EGF: variants seen among roughly 807,000 people sequenced by gnomAD.
EGF encodes the protein epidermal growth factor, also known as pro-epidermal growth factor.
A neutral mutation model predicts 143.8 loss-of-function variants in EGF; 95 were observed. The observed-to-expected ratio is 0.66, with a 90% CI of 0.56 to 0.78. EGF has a LOEUF of 0.78. Ranked by LOEUF, EGF falls within the 30% of genes least tolerant of loss-of-function variation. EGF has a pLI of 0.00. For missense variants in EGF, 1,320 were observed against 1,470.9 expected (o/e 0.90, Z 1.68); for synonymous variants, 510 against 510.5 (o/e 1.00, Z 0.01).
At chr4:110,009,982 C>A (rs925628484) in intron 23 of EGF, among the ~76,000 whole-genome samples, 1 of 152,162 alleles carries the variant, frequency 6.6e-6, no homozygotes, top group African/African-American at 2.4e-5. Flanking sequence ...CACCTGTAAT[C>A]CGAGCACTTT....
At chr4:109,942,814 G>A (rs528128499) in intron 2 of EGF, among the ~76,000 whole-genome samples, 3 of 152,296 alleles carry the variant, frequency 2.0e-5, no homozygotes, top group Admixed American at 6.5e-5. Context: ...GAAATTCATC[G>A]AGTTCATGTC....
chr4:109,996,842 CT>C (rs1325397738), intron 20 of EGF, among the ~76,000 whole-genome samples: 17 of 152,292 alleles, frequency 1.1e-4, no homozygotes, highest in Admixed American at 2.0e-4. Context: ...ACCTTCTGGG[CT>C]CAGAGGAGGT....
rs554859072 is a variant in EGF, at chr4:109,939,552, G to A, written c.128-1394G>A. Among the ~76,000 whole-genome samples the A allele has an allele frequency of 4.6e-5, 7 of 152,332 alleles. No individual in the cohort carries two copies. In the East Asian group the frequency reaches 1.2e-3, roughly 25 times the overall value. ...TGGCCCTCCGTGGGCTGCACCCACT[G>A]TCCAACCAGTCCCAGTGGGATGAAC... is the stretch of plus-strand genomic sequence containing the variant. On this transcript the variant is annotated intron_variant, in intron 1 of 23. Transcript: ENST00000265171.
chr4:109,975,234 T>G (rs1748306770), intron 12 of EGF, among the ~76,000 whole-genome samples: 1 of 152,218 alleles, frequency 6.6e-6, no homozygotes, highest in Non-Finnish European at 1.5e-5. Flanking sequence ...GACTGTGCTG[T>G]TAATTGTGAG....
chr4:109,913,571 T>G, intron 1 of EGF, 109 bp downstream of exon 1: 3 of 1,500,660 alleles, frequency 2.0e-6, no homozygotes. Flanking sequence ...TCTTTGGGTA[T>G]GTATAGTTGC....
At chr4:109,981,383 C>T (rs184482082) in intron 15 of EGF, among the ~76,000 whole-genome samples, 1 of 152,112 alleles carries the variant, frequency 6.6e-6, no homozygotes, top group Non-Finnish European at 1.5e-5. Flanking sequence ...AAATCAAAGT[C>T]CTTTATAAAA....
In EGF at chr4:109,963,205, C is replaced by A. The variant is rs1255600121; in HGVS notation, c.1345C>A (p.Gln449Lys). ...CTCACCCGATAATGGTGGATGTAGC[C>A]AGCTCTGCGTTCCTCTTAGCCCAGT... is the stretch of plus-strand genomic sequence containing the variant. ...CSSPDNGGCS[Q>K]LCVPLSPVSW... Residue 449 changes from glutamine (Q) to lysine (K), a missense_variant, in exon 9 of 24, where the codon CAG becomes AAG. Physicochemically the swap from Gln to Lys is moderately conservative, Grantham distance 53. Around this residue, in one of 5 missense-constraint regions of EGF, gnomAD observed 1,186 missense variants for 1,313.7 expected, o/e 0.90. Coordinates refer to ENST00000265171, the MANE Select transcript of EGF (RefSeq NM_001963.6). 1.2e-6 allele frequency: 2 copies of A among 1,613,892 alleles called. No individual in the cohort carries two copies. The highest frequency in any genetic ancestry group is 3.3e-5 in the Admixed American group (2 of 59,974).
chr4:109,918,375 G>C (rs1056798672), intron 1 of EGF, among the ~76,000 whole-genome samples: 1 of 152,088 alleles, frequency 6.6e-6, no homozygotes, highest in African/African-American at 2.4e-5. Flanking sequence ...CTTCCGGAAG[G>C]AGTGGAAGGC....
At chr4:109,971,468 A>T (rs1452541019) in intron 11 of EGF, among the ~76,000 whole-genome samples, 1 of 152,192 alleles carries the variant, frequency 6.6e-6, no homozygotes, top group Non-Finnish European at 1.5e-5. Context: ...AAGGATGCCA[A>T]GTCTTCTCAT....
chr4:109,916,724 G>A (rs866573488), intron 1 of EGF, among the ~76,000 whole-genome samples: 10 of 146,472 alleles, frequency 6.8e-5, no homozygotes, highest in African/African-American at 2.4e-4. Context: ...ATAAACACTC[G>A]ATAAGCCCGA....
chr4:109,987,800 G>A lies in EGF; in HGVS notation c.2548G>A (p.Gly850Arg). The A allele has an allele frequency of 6.2e-7, 1 of 1,613,996 alleles. No individual in the cohort carries two copies. Among genetic ancestry groups the A allele is most frequent in the Non-Finnish European group, 8.5e-7 (1 of 1,179,910 alleles). ...CSMYARCISEGEDATCQCLKG... is the reference protein window; with the variant it reads ...CSMYARCISEREDATCQCLKG... ...CATGTATGCTCGGTGTATTTCAGAG[G>A]GAGAGGATGCCACATGTCAGTGTTT... The change falls in exon 17 of 24, where the codon GGA becomes AGA. Residue 850 changes from glycine (G) to arginine (R), a missense_variant. This residue lies in a region of EGF where 1,186 missense variants were observed against 1,313.7 expected (regional missense o/e 0.90). Coordinates refer to ENST00000265171, the MANE Select transcript of EGF (RefSeq NM_001963.6).
At chr4:109,930,188 C>T (rs1295046638) in intron 1 of EGF, among the ~76,000 whole-genome samples, 1 of 152,128 alleles carries the variant, frequency 6.6e-6, no homozygotes, top group African/African-American at 2.4e-5. Context: ...TGTAAGTTAC[C>T]CAGTCTTGGG....
chr4:110,004,445 T>C, intron 21 of EGF, 60 bp from the exon 22 acceptor site: 1 of 1,441,040 alleles, frequency 6.9e-7, no homozygotes, highest in Non-Finnish European at 9.8e-7. Context: ...TGATCATCAC[T>C]GAGTGGGCTG....
chr4:110,001,754 T>A, intron 21 of EGF: 2 of 985,418 alleles, frequency 2.0e-6, no homozygotes, highest in Non-Finnish European at 2.4e-6. Flanking sequence ...AAGAGTATCT[T>A]CAACCTCAGA....
chr4:109,945,844 C>T (rs1742761283), intron 5 of EGF, among the ~76,000 whole-genome samples: 1 of 152,126 alleles, frequency 6.6e-6, no homozygotes, highest in South Asian at 2.1e-4. Flanking sequence ...AATGTAGGTA[C>T]CTCTGCAGCC....
intron 1 of EGF, among the ~76,000 whole-genome samples, chr4:109,930,403 A>G (rs1466214362): frequency 1.3e-5 from 2 of 152,196 alleles, no homozygotes; most frequent in Non-Finnish European, 2.9e-5. Context: ...AGGAGGCCTC[A>G]GCCTTCCTTA....
chr4:109,914,802 A>C (rs1736324167), intron 1 of EGF, among the ~76,000 whole-genome samples: 1 of 152,224 alleles, frequency 6.6e-6, no homozygotes, highest in South Asian at 2.1e-4. Context: ...TGGAGACAGA[A>C]GTAAAACTTC....
chr4:109,943,389 A>G lies in EGF; in HGVS notation c.463A>G (p.Ser155Gly). Residue 155 changes from serine (S) to glycine (G), a missense_variant, in exon 3 of 24, where the codon AGT (serine) becomes GGT (glycine). Transcript: ENST00000265171. ...AGGAAATAATTCCCACATTCTTTTA[A>G]GTGCTTTAAAATATCCTGCAAATGT... ...MKGNNSHILL[S>G]ALKYPANVAV... 6.2e-7 allele frequency: 1 copy of G among 1,613,894 alleles called. No individual in the cohort carries two copies. The highest frequency in any genetic ancestry group is 8.5e-7 in the Non-Finnish European group (1 of 1,179,854).
chr4:109,964,815 G>A (rs2126068368), intron 10 of EGF, among the ~76,000 whole-genome samples: 1 of 152,290 alleles, frequency 6.6e-6, no homozygotes, highest in East Asian at 1.9e-4. Context: ...CCTCTTTGGA[G>A]ATGAGGATGG....
Sources: allele counts gnomAD v4.1 joint callset (sites outside exome capture counted in the v4.1 genomes callset), GRCh38; gene constraint gnomAD v4.1.1; regional missense constraint gnomAD v4.1.1; transcripts MANE v1.5; gene names NCBI Gene and HGNC (gene_info 2026-07-23, HGNC 2026-07-21).